The following STXBP5 variants were observed in gnomAD, a reference collection of about 807,000 sequenced individuals.
The protein encoded by STXBP5 is syntaxin binding protein 5.
In STXBP5, 50 loss-of-function variants were observed where a neutral mutation model predicts 152.4. The observed-to-expected ratio is 0.33, with a 90% CI of 0.26 to 0.42. STXBP5 has a LOEUF of 0.42. Ranked by LOEUF, STXBP5 falls within the 10% of genes least tolerant of loss-of-function variation. The pLI is 1.00. For synonymous variants in STXBP5, 492 were observed against 494.7 expected (o/e 0.99, Z 0.07); for missense variants, 1,167 against 1,388.6 (o/e 0.84, Z 2.54).
At chr6:147,346,881 A>G (rs1784363107) in intron 21 of STXBP5, among the ~76,000 whole-genome samples, 2 of 152,174 alleles carry the variant, frequency 1.3e-5, no homozygotes, top group East Asian at 1.9e-4. Flanking sequence ...GCTTTCCAGG[A>G]CTGTCATCCT....
intron 23 of STXBP5, among the ~76,000 whole-genome samples, chr6:147,360,410 G>A (rs1031093152): frequency 6.6e-6 from 1 of 152,082 alleles, no homozygotes; most frequent in Non-Finnish European, 1.5e-5. Flanking sequence ...ATGGCCTTAT[G>A]TTTTAATGAA....
intron 2 of STXBP5, among the ~76,000 whole-genome samples, chr6:147,212,109 C>T (rs945295586): frequency 6.6e-6 from 1 of 152,156 alleles, no homozygotes; most frequent in African/African-American, 2.4e-5. Flanking sequence ...CATGGACTAC[C>T]GCAGCAGGAG....
chr6:147,220,194 T>C (rs979895349), intron 2 of STXBP5, among the ~76,000 whole-genome samples: 17 of 152,100 alleles, frequency 1.1e-4, no homozygotes, highest in African/African-American at 4.1e-4. Context: ...AGCTCTCTTT[T>C]TGTTATCGAT....
chr6:147,346,877 C>CAGGA (rs1784362968), intron 21 of STXBP5, among the ~76,000 whole-genome samples: 1 of 152,150 alleles, frequency 6.6e-6, no homozygotes, highest in Admixed American at 6.5e-5. Context: ...GCAGGCTTTC[C>CAGGA]AGGACTGTCA....
intron 9 of STXBP5, among the ~76,000 whole-genome samples, chr6:147,297,908 A>C (rs1781610481): frequency 6.6e-6 from 1 of 152,066 alleles, no homozygotes; most frequent in Non-Finnish European, 1.5e-5. Flanking sequence ...CCATAGAAAA[A>C]CCATCAAACC....
chr6:147,248,146 A>G (rs1778903928), intron 4 of STXBP5, among the ~76,000 whole-genome samples: 1 of 151,834 alleles, frequency 6.6e-6, no homozygotes, highest in South Asian at 2.1e-4. Context: ...CAGGCGTGGA[A>G]GTGGGCACCT....
rs142652958 is a variant in STXBP5 at position 147,237,631 on chromosome 6, T to G, written c.331-1539T>G. Among the ~76,000 whole-genome samples the G allele has an allele frequency of 6.9e-4, 105 of 152,166 alleles. 2 individuals carry two copies. In the East Asian group the frequency reaches 0.019, roughly 28 times the overall value. ...GATGCTTTTAGTGAAATGGAGAGAG[T>G]GTGGACTTTATGTATTTCTGCTTTC... On this transcript the variant is annotated intron_variant, in intron 3 of 27. Transcript: ENST00000321680.
chr6:147,257,521 A>G (rs1169137910), intron 4 of STXBP5, among the ~76,000 whole-genome samples: 1 of 152,020 alleles, frequency 6.6e-6, no homozygotes, highest in Non-Finnish European at 1.5e-5. Flanking sequence ...TTAGTAAAAG[A>G]TGTACTTAAA....
intron 7 of STXBP5, among the ~76,000 whole-genome samples, chr6:147,269,409 A>C (rs1015960655): frequency 6.6e-6 from 1 of 152,206 alleles, no homozygotes; most frequent in Non-Finnish European, 1.5e-5. Context: ...AAAAACACCC[A>C]AAAACATTTA....
chr6:147,245,619 C>T (rs78850761), intron 4 of STXBP5, among the ~76,000 whole-genome samples: 2,745 of 152,244 alleles, frequency 0.018, 36 homozygotes, highest in Non-Finnish European at 0.029. Context: ...AAAAGATAAT[C>T]TTAAAGTCCT....
chr6:147,348,193 A>G (rs1183779197), intron 21 of STXBP5, among the ~76,000 whole-genome samples: 5 of 152,192 alleles, frequency 3.3e-5, no homozygotes, highest in Non-Finnish European at 2.9e-5. Context: ...ATCACAACCC[A>G]AGTCAACATT....
chr6:147,320,138 C>T (rs1782848502), intron 16 of STXBP5, among the ~76,000 whole-genome samples: 2 of 152,006 alleles, frequency 1.3e-5, no homozygotes, highest in Admixed American at 1.3e-4. Context: ...GTCTGGCCCC[C>T]ATCTGTATTC....
At chr6:147,341,510 TA>T (rs1784092069) in intron 21 of STXBP5, among the ~76,000 whole-genome samples, 1 of 152,292 alleles carries the variant, frequency 6.6e-6, no homozygotes, top group East Asian at 1.9e-4. Context: ...TATAGGTAGT[TA>T]TACAGTGGCT....
intron 25 of STXBP5, among the ~76,000 whole-genome samples, chr6:147,366,947 CAGTT>C (rs1785317838): frequency 6.6e-6 from 1 of 152,174 alleles, no homozygotes; most frequent in East Asian, 1.9e-4. Context: ...GGTGTCCAGT[CAGTT>C]ACCAGGCATG....
intron 21 of STXBP5, among the ~76,000 whole-genome samples, chr6:147,340,635 A>C (rs1446454833): frequency 6.6e-6 from 1 of 152,100 alleles, no homozygotes; most frequent in Non-Finnish European, 1.5e-5. Flanking sequence ...TTTAAGAATT[A>C]AATTACCTAG....
At chr6:147,236,475 A>G (rs1203141316) in intron 3 of STXBP5, among the ~76,000 whole-genome samples, 1 of 152,192 alleles carries the variant, frequency 6.6e-6, no homozygotes, top group Non-Finnish European at 1.5e-5. Context: ...GCTTCTCCCA[A>G]TAGTTACATT....
chr6:147,348,323 T>G (rs1784432377), intron 21 of STXBP5, among the ~76,000 whole-genome samples: 1 of 151,982 alleles, frequency 6.6e-6, no homozygotes, highest in Non-Finnish European at 1.5e-5. Context: ...TCCTAGGATT[T>G]AAATCCTTTC....
At chr6:147,276,760 T>C (rs1167756721) in intron 7 of STXBP5, among the ~76,000 whole-genome samples, 2 of 152,146 alleles carry the variant, frequency 1.3e-5, no homozygotes, top group Admixed American at 6.5e-5. Context: ...TGCTTTAAGA[T>C]TTTATTTAGA....
chr6:147,387,751 ATT>A lies in STXBP5; in HGVS notation c.*2998_*2999del, dbSNP rs1786409279. 1.3e-5 allele frequency: 2 copies of A among 151,726 alleles called. No homozygotes were observed. Among genetic ancestry groups the A allele is most frequent in the Non-Finnish European group, 3.0e-5 (2 of 67,764 alleles). The allele number at this position is 151,726 out of a possible 1,614,324, so 9.4% of individuals were successfully genotyped here. ...TGTTATTATGTGTAAGTATATTACA[ATT>A]TAATTAAGTACAATAGTTTAAAGAA... On this transcript the variant is annotated 3_prime_UTR_variant, in exon 28 of 28. Transcript: ENST00000321680.
Sources: allele counts gnomAD v4.1 joint callset (sites outside exome capture counted in the v4.1 genomes callset), GRCh38; gene constraint gnomAD v4.1.1; transcripts MANE v1.5; gene names NCBI Gene and HGNC (gene_info 2026-07-23, HGNC 2026-07-21).